The following NIPBL variants were observed in gnomAD, a reference collection of about 807,000 sequenced individuals.
NIPBL encodes the protein NIPBL cohesin loading factor, also known as nipped-B-like protein.
Under a neutral mutation model 321.8 loss-of-function variants are expected in NIPBL, and 19 were observed. The observed-to-expected ratio is 0.06, with a 90% CI of 0.04 to 0.09. NIPBL has a LOEUF of 0.09. NIPBL is among the 10% of genes least tolerant of loss of function. The pLI is 1.00. For synonymous variants in NIPBL, 1,106 were observed against 1,114.1 expected (o/e 0.99, Z 0.14); for missense variants, 2,210 against 3,327.0 (o/e 0.66, Z 8.26).
chr5:36,952,053 T>TGTGTGTGTGTGTGTGCGCGCGCGC (rs778597604), intron 1 of NIPBL, among the ~76,000 whole-genome samples: 1 of 112,214 alleles, frequency 8.9e-6, no homozygotes, highest in Non-Finnish European at 1.9e-5. Flanking sequence ...TGTGTGTGTG[T>TGTGTGTGTGTGTGTGCGCGCGCGC]GCGCGCGCGC....
chr5:37,022,787 C>T (rs1749800178), intron 29 of NIPBL, among the ~76,000 whole-genome samples: 1 of 152,102 alleles, frequency 6.6e-6, no homozygotes, highest in South Asian at 2.1e-4. Context: ...AACGTTGGTA[C>T]CTGACAATAT....
At chr5:36,965,768 A>AT (rs1024511853) in intron 6 of NIPBL, among the ~76,000 whole-genome samples, 1 of 152,172 alleles carries the variant, frequency 6.6e-6, no homozygotes, top group Admixed American at 6.5e-5. Flanking sequence ...TATTTATCAC[A>AT]TGTATCCCAG....
intron 10 of NIPBL, among the ~76,000 whole-genome samples, chr5:36,990,345 G>C (rs1251925983): frequency 6.6e-6 from 1 of 152,166 alleles, no homozygotes. Flanking sequence ...AACCAGTCTA[G>C]TTAGATGGTG....
At chr5:37,031,158 A>T (rs1224576798) in intron 32 of NIPBL, among the ~76,000 whole-genome samples, 1 of 151,488 alleles carries the variant, frequency 6.6e-6, no homozygotes, top group Non-Finnish European at 1.5e-5. Context: ...TAATTTTTTT[A>T]TATCTTTAGT....
chr5:36,980,866 G>A (rs779918911), intron 9 of NIPBL, among the ~76,000 whole-genome samples: 2 of 151,612 alleles, frequency 1.3e-5, no homozygotes, highest in Non-Finnish European at 3.0e-5. Context: ...TCTGCATTGT[G>A]TGATGGGATG....
chr5:37,044,550 A>G lies in NIPBL; in HGVS notation c.6249+63A>G. On this transcript the variant is annotated intron_variant, in intron 35 of 46. Transcript: ENST00000282516. ...TAAAGTTCTAATGTATTTTATTAAAATTTTTAAAGCAAATATTTGTAAAAA... is the reference window on the plus strand; with the variant it reads ...TAAAGTTCTAATGTATTTTATTAAAGTTTTTAAAGCAAATATTTGTAAAAA... 1.9e-6 allele frequency: 3 copies of G among 1,586,464 alleles called. No homozygotes were observed. The South Asian group carries it at 3.4e-5, about 18-fold the overall frequency.
intron 33 of NIPBL, among the ~76,000 whole-genome samples, chr5:37,037,649 T>C (rs1273515472): frequency 2.0e-5 from 3 of 149,552 alleles, no homozygotes; most frequent in Non-Finnish European, 4.4e-5. Flanking sequence ...TTTTTCCATG[T>C]GTACCTCTTT....
At chr5:37,021,270 GC>G (rs1381314977) in intron 27 of NIPBL, among the ~76,000 whole-genome samples, 1 of 152,180 alleles carries the variant, frequency 6.6e-6, no homozygotes, top group Non-Finnish European at 1.5e-5. Context: ...TTGCACTCCA[GC>G]CTGGGCAACA....
chr5:36,901,683 A>G (rs1011245227), intron 1 of NIPBL, among the ~76,000 whole-genome samples: 3 of 151,652 alleles, frequency 2.0e-5, no homozygotes, highest in African/African-American at 4.8e-5. Flanking sequence ...CTAATTTTGT[A>G]TTTTTAGTAG....
At chr5:36,915,254 G>T (rs1748371104) in intron 1 of NIPBL, among the ~76,000 whole-genome samples, 1 of 151,972 alleles carries the variant, frequency 6.6e-6, no homozygotes, top group African/African-American at 2.4e-5. Flanking sequence ...ATGTCTCTAA[G>T]ATATGGCACT....
chr5:36,988,124 A>G (rs1745056332), intron 10 of NIPBL, among the ~76,000 whole-genome samples: 1 of 152,184 alleles, frequency 6.6e-6, no homozygotes. Context: ...TCCTTAAAGA[A>G]CATCCAGAAG....
rs1270053859 is a variant in NIPBL at position 37,033,705 on chromosome 5, CATAT to C, written c.5863-2651_5863-2648del. ...GTACATACACACACACACACACACA[CATAT>C]ATATATATATATATATATATATTTT... On this transcript the variant is annotated intron_variant, in intron 32 of 46. Transcript: ENST00000282516. Among the ~76,000 whole-genome samples, 154 of 80,212 alleles carry C rather than the reference CATAT, an allele frequency of 1.9e-3. 5 individuals are homozygous for C. In the Middle Eastern group the frequency reaches 0.053, roughly 28 times the overall value. The allele number at this position is 80,212 out of a possible 152,430, so 52.6% of individuals were successfully genotyped here.
At chr5:37,050,479 C>CAA (rs370627067) in intron 40 of NIPBL, among the ~76,000 whole-genome samples, 962 of 82,164 alleles carry the variant, frequency 0.012, 16 homozygotes, top group African/African-American at 0.041. Context: ...GACTCCATCT[C>CAA]AAAAAAAAAA....
intron 1 of NIPBL, among the ~76,000 whole-genome samples, chr5:36,907,179 C>T (rs778705379): frequency 6.6e-6 from 1 of 152,152 alleles, no homozygotes; most frequent in Non-Finnish European, 1.5e-5. Flanking sequence ...GCATTTCTAA[C>T]AAACCCAAAG....
At chr5:36,953,191 CTAGATTATGAGGT>C (rs1740594646) in intron 1 of NIPBL, among the ~76,000 whole-genome samples, 1 of 152,068 alleles carries the variant, frequency 6.6e-6, no homozygotes, top group African/African-American at 2.4e-5. Flanking sequence ...CAAGTTGAAG[CTAGATTATGAGGT>C]TAAATGTTTA....
chr5:37,002,533 A>G (rs894964197), intron 14 of NIPBL, 129 bp from the exon 15 acceptor site: 1 of 691,752 alleles, frequency 1.4e-6, no homozygotes, highest in African/African-American at 1.8e-5. Context: ...TGAGGTTTAT[A>G]TATAGAGGCG....
intron 1 of NIPBL, among the ~76,000 whole-genome samples, chr5:36,888,219 A>G (rs1746061669): frequency 6.6e-6 from 1 of 152,166 alleles, no homozygotes; most frequent in Non-Finnish European, 1.5e-5. Context: ...GGGCTCTGGT[A>G]TTTAAAATTA....
At chr5:36,981,057 C>T (rs1378535390) in intron 9 of NIPBL, among the ~76,000 whole-genome samples, 3 of 151,630 alleles carry the variant, frequency 2.0e-5, no homozygotes, top group Admixed American at 6.6e-5. Context: ...ATTATTTTTA[C>T]TTATTAAAGA....
intron 42 of NIPBL, among the ~76,000 whole-genome samples, chr5:37,055,365 A>C (rs1400027810): frequency 3.3e-5 from 5 of 151,768 alleles, no homozygotes; most frequent in Non-Finnish European, 1.5e-5. Context: ...GTAAAAAAAA[A>C]AAAAAAAAAG....
Sources: gnomAD v4.1 joint callset for allele counts (sites outside exome capture counted in the v4.1 genomes callset) on GRCh38, gnomAD v4.1.1 for gene constraint, MANE v1.5 for transcripts, NCBI Gene and HGNC (gene_info 2026-07-23, HGNC 2026-07-21) for gene names.